DNAJA2: variants seen among roughly 807,000 people sequenced by gnomAD.
DNAJA2 encodes DnaJ heat shock protein family (Hsp40) member A2, also known as dnaJ homolog subfamily A member 2.
DNAJA2 carries 6 observed loss-of-function variants against 49.3 expected under a neutral mutation model. That is an observed-to-expected ratio of 0.12 (90% confidence interval 0.07 to 0.24). The LOEUF is 0.24. Among genes scored for constraint, DNAJA2 ranks in the 10% least tolerant of loss-of-function variants. The pLI, the probability that DNAJA2 is intolerant of heterozygous loss-of-function variation, is 1.00. For synonymous variants in DNAJA2, 160 were observed against 172.7 expected, an observed-to-expected ratio of 0.93 and a Z score of 0.58; for missense variants, 347 against 516.8, an observed-to-expected ratio of 0.67 and a Z score of 3.19.
At chr16:46,967,743 C>A in intron 4 of DNAJA2, 97 bp from the exon 5 acceptor site, 1 of 1,472,062 alleles carries the variant, frequency 6.8e-7, no homozygotes, top group South Asian at 1.2e-5. Flanking sequence ...CATCTTCAAC[C>A]CCAATAACTT....
chr16:46,969,325 T>A (rs1008657897), intron 3 of DNAJA2, among the ~76,000 whole-genome samples: 2 of 152,242 alleles, frequency 1.3e-5, no homozygotes, highest in African/African-American at 2.4e-5. Flanking sequence ...CCAACAACAC[T>A]GTCAAATAAT....
chr16:46,971,293 T>C, intron 3 of DNAJA2, 56 bp downstream of exon 3: 1 of 1,497,424 alleles, frequency 6.7e-7, no homozygotes, highest in Non-Finnish European at 9.2e-7. Context: ...ACTGAGTCAT[T>C]ATCCCACTTG....
rs1311253492 is a variant in DNAJA2 at position 46,971,452 on chromosome 16, TATC to T, written c.256_258del (p.Asp86del). ...CCCCCACCAAAAATGTGAGAGAAAATATCATCCATGCCACCACCTCCGCCGCTG... is the reference window on the plus strand; with the variant it reads ...CCCCCACCAAAAATGTGAGAGAAAATATCCATGCCACCACCTCCGCCGCTG... On this transcript the variant is annotated inframe_deletion, in exon 3 of 9. Coordinates refer to ENST00000317089, the MANE Select transcript of DNAJA2 (RefSeq NM_005880.4). 2 of 1,613,932 alleles carry T rather than the reference TATC, an allele frequency of 1.2e-6. No homozygotes were observed. The highest frequency in any genetic ancestry group is 1.7e-6 in the Non-Finnish European group (2 of 1,179,974).
intron 1 of DNAJA2, among the ~76,000 whole-genome samples, chr16:46,973,244 T>C (rs1962082748): frequency 6.6e-6 from 1 of 151,796 alleles, no homozygotes; most frequent in Admixed American, 6.6e-5. Flanking sequence ...GCTCCCATCG[T>C]GTTTGCGCAG....
chr16:46,962,201 C>T (rs1961905428), intron 6 of DNAJA2, among the ~76,000 whole-genome samples: 1 of 152,182 alleles, frequency 6.6e-6, no homozygotes, highest in African/African-American at 2.4e-5. Flanking sequence ...TCATTTGACT[C>T]TTTAATATCC....
At chr16:46,970,756 A>G (rs1019124981) in intron 3 of DNAJA2, among the ~76,000 whole-genome samples, 2 of 145,388 alleles carry the variant, frequency 1.4e-5, no homozygotes, top group African/African-American at 5.2e-5. Context: ...AAAAAAAAAA[A>G]GGTCGGGCAC....
chr16:46,958,547 GAGCA>G, intron 8 of DNAJA2: 1 of 144,268 alleles, frequency 6.9e-6, no homozygotes, highest in East Asian at 2.1e-4. Flanking sequence ...CTGGGTGACA[GAGCA>G]AGACTCCATC....
intron 3 of DNAJA2, among the ~76,000 whole-genome samples, chr16:46,969,525 G>C (rs1024032806): frequency 6.6e-6 from 1 of 152,188 alleles, no homozygotes; most frequent in Non-Finnish European, 1.5e-5. Context: ...AAAAATGCAG[G>C]TAATGGTTTG....
chr16:46,957,010 T>C lies in DNAJA2; in HGVS notation c.*19A>G. The C allele has an allele frequency of 2.5e-6, 4 of 1,614,032 alleles. No homozygotes were observed. Among genetic ancestry groups the C allele is most frequent in the Non-Finnish European group, 2.5e-6 (3 of 1,179,874 alleles). On this transcript the variant is annotated 3_prime_UTR_variant, in exon 9 of 9. Coordinates refer to ENST00000317089, the MANE Select transcript of DNAJA2 (RefSeq NM_005880.4). ...CAAATGTGGAAAGAAAATCCACCTG[T>C]GCAATTTGTTTGCAGAGTTTACTGA...
Position 46,955,764 on chromosome 16 carries a change from A to G in DNAJA2, c.*1265T>C, listed in dbSNP as rs1961799342. 1 of 152,228 alleles carries G rather than the reference A, an allele frequency of 6.6e-6. No homozygotes were observed. The highest frequency in any genetic ancestry group is 1.5e-5 in the Non-Finnish European group (1 of 68,040). The allele number at this position is 152,228 out of a possible 1,614,324, so 9.4% of individuals were successfully genotyped here. A position where few individuals can be genotyped will look rare whatever the true frequency, so the allele number is the denominator to read the frequency against. ...CCTCAAATAAGTGTGTTCTAAAAAT[A>G]CCTACTGAGTGAAATGGTAAAAACC... On this transcript the variant is annotated 3_prime_UTR_variant, in exon 9 of 9. Transcript: ENST00000317089.
chr16:46,958,347 C>T (rs1362218423), intron 8 of DNAJA2, among the ~76,000 whole-genome samples: 3 of 151,910 alleles, frequency 2.0e-5, no homozygotes, highest in Admixed American at 1.3e-4. Context: ...GTCAGGAGAT[C>T]GAGACCATCG....
chr16:46,956,339 C>T lies in DNAJA2; in HGVS notation c.*690G>A, dbSNP rs1406732832. The T allele has an allele frequency of 6.6e-6, 1 of 150,534 alleles. No individual in the cohort carries two copies. Among genetic ancestry groups the T allele is most frequent in the Non-Finnish European group, 1.5e-5 (1 of 67,898 alleles). 9.3% of individuals were successfully genotyped at this position (150,534 alleles called of 1,614,324 possible). A position where few individuals can be genotyped will look rare whatever the true frequency, so the allele number is the denominator to read the frequency against. ...TGTTTAAGAACCAGTACTAAGGATA[C>T]ATTCTTTTATGTTTTTCCTTCTAAA... On this transcript the variant is annotated 3_prime_UTR_variant, in exon 9 of 9. Coordinates refer to ENST00000317089, the MANE Select transcript of DNAJA2 (RefSeq NM_005880.4).
intron 3 of DNAJA2, among the ~76,000 whole-genome samples, chr16:46,970,663 A>C (rs1320237117): frequency 7.4e-6 from 1 of 135,980 alleles, no homozygotes; most frequent in African/African-American, 2.8e-5. Context: ...TGAACCTGAG[A>C]GGAGGGGGAT....
Position 46,969,690 on chromosome 16 carries a change from G to A in DNAJA2, c.363-1526C>T, listed in dbSNP as rs374305457. 2.0e-5 allele frequency among the ~76,000 whole-genome samples: 3 copies of A among 152,268 alleles called. No individual in the cohort carries two copies. In the East Asian group the frequency reaches 5.8e-4, roughly 29 times the overall value. Reference sequence around the variant, plus strand: ...CTACATAAAGATACTCATAGCAGCAGTATCTATTACAGAGAAAAAACCTGG... The same window carrying A: ...CTACATAAAGATACTCATAGCAGCAATATCTATTACAGAGAAAAAACCTGG... On this transcript the variant is annotated intron_variant, in intron 3 of 8. Coordinates refer to ENST00000317089, the MANE Select transcript of DNAJA2 (RefSeq NM_005880.4).
In DNAJA2 at chr16:46,969,315, C is replaced by T. The variant is rs576448888; in HGVS notation, c.363-1151G>A. ...TACCACACGTATGGACAAAACATTA[C>T]CAACAACACTGTCAAATAATGACCT... On this transcript the variant is annotated intron_variant, in intron 3 of 8. Coordinates refer to ENST00000317089, the MANE Select transcript of DNAJA2 (RefSeq NM_005880.4). Among the ~76,000 whole-genome samples, 298 of 152,276 alleles carry T rather than the reference C, an allele frequency of 2.0e-3. 3 individuals carry two copies. Among genetic ancestry groups the T allele is most frequent in the African/African-American group, 6.9e-3 (288 of 41,568 alleles).
intron 2 of DNAJA2, 90 bp from the exon 3 acceptor site, chr16:46,971,662 A>G (rs745396853): frequency 1.4e-6 from 1 of 731,124 alleles, no homozygotes; most frequent in Non-Finnish European, 1.9e-6. Flanking sequence ...ATTTAATTCT[A>G]AAAAAAAAAA....
In DNAJA2 at chr16:46,964,726, T is replaced by G; in HGVS notation, c.659A>C (p.His220Pro). The G allele has an allele frequency of 6.2e-7, 1 of 1,614,224 alleles. No individual in the cohort carries two copies. The highest frequency in any genetic ancestry group is 8.5e-7 in the Non-Finnish European group (1 of 1,180,032). Reference sequence around the variant, plus strand: ...TCCATGTTTCATGCCTTTGTCTACGTGGACTTCAAGAATCTTGACTTCTTT... The same window carrying G: ...TCCATGTTTCATGCCTTTGTCTACGGGGACTTCAAGAATCTTGACTTCTTT... ...VIKEVKILEV[H>P]VDKGMKHGQR... The change falls in exon 6 of 9, where the codon CAC (histidine) becomes CCC (proline). Residue 220 changes from histidine (H) to proline (P), a missense_variant. His to Pro is a moderately conservative substitution (Grantham distance 77, BLOSUM62 -2). Coordinates refer to ENST00000317089, the MANE Select transcript of DNAJA2 (RefSeq NM_005880.4).
chr16:46,968,363 A>G (rs1376536111), intron 3 of DNAJA2, among the ~76,000 whole-genome samples, 199 bp from the exon 4 acceptor site: 1 of 152,232 alleles, frequency 6.6e-6, no homozygotes, highest in African/African-American at 2.4e-5. Flanking sequence ...GACTACAGAC[A>G]GTACATATAT....
intron 5 of DNAJA2, among the ~76,000 whole-genome samples, chr16:46,965,966 G>A (rs911127814): frequency 3.3e-5 from 5 of 152,084 alleles, no homozygotes; most frequent in Non-Finnish European, 7.4e-5. Flanking sequence ...GCTAACACCT[G>A]TAATCCCAGC....
Sources: allele counts gnomAD v4.1 joint callset (sites outside exome capture counted in the v4.1 genomes callset), GRCh38; gene constraint gnomAD v4.1.1; transcripts MANE v1.5; gene names NCBI Gene and HGNC (gene_info 2026-07-23, HGNC 2026-07-21).